Variants in TP63 observed in about 807,000 individuals in gnomAD.
The protein encoded by TP63 is tumor protein p63, also known as tumor protein 63.
In TP63, 17 loss-of-function variants were observed where a neutral mutation model predicts 82.8. That is an observed-to-expected ratio of 0.21 (90% CI 0.14 to 0.31). The LOEUF (loss-of-function observed/expected upper bound fraction) is 0.31, where lower values mean the gene tolerates loss of function less well. Among genes scored for constraint, TP63 ranks in the 10% least tolerant of loss-of-function variants. The pLI is 1.00. For synonymous variants in TP63, 330 were observed against 321.7 expected, an observed-to-expected ratio of 1.03 and a Z score of -0.28; for missense variants, 648 against 895.3, an observed-to-expected ratio of 0.72 and a Z score of 3.52.
chr3:189,809,289 A>C (rs1274872866), intron 4 of TP63, among the ~76,000 whole-genome samples: 1 of 152,200 alleles, frequency 6.6e-6, no homozygotes, highest in Admixed American at 6.5e-5. Context: ...TACAAGAATT[A>C]GTCCAAAGAA....
chr3:189,777,250 G>A (rs1330754970), intron 3 of TP63, among the ~76,000 whole-genome samples: 3 of 152,008 alleles, frequency 2.0e-5, no homozygotes, highest in Admixed American at 6.6e-5. Context: ...AGACTGGAGA[G>A]CAATGGCACG....
chr3:189,797,397 T>A (rs1194541431), intron 3 of TP63, among the ~76,000 whole-genome samples: 1 of 152,042 alleles, frequency 6.6e-6, no homozygotes, highest in African/African-American at 2.4e-5. Flanking sequence ...ATTTTCTTTT[T>A]CCTTTTAAGC....
chr3:189,817,567 A>G (rs1174329961), intron 4 of TP63, among the ~76,000 whole-genome samples: 1 of 152,176 alleles, frequency 6.6e-6, no homozygotes, highest in Non-Finnish European at 1.5e-5. Context: ...ATATGTTATT[A>G]TCTCATCCTG....
At chr3:189,759,256 G>C (rs989355930) in intron 3 of TP63, among the ~76,000 whole-genome samples, 2 of 152,214 alleles carry the variant, frequency 1.3e-5, no homozygotes, top group African/African-American at 2.4e-5. Flanking sequence ...AAACTGGAGG[G>C]AAAGTGAGAG....
At chr3:189,656,268 A>G (rs1713350084) in intron 1 of TP63, among the ~76,000 whole-genome samples, 1 of 152,166 alleles carries the variant, frequency 6.6e-6, no homozygotes, top group South Asian at 2.1e-4. Flanking sequence ...TACTACCCAT[A>G]AGATAGTGTA....
At chr3:189,637,043 T>G (rs941487245) in intron 1 of TP63, among the ~76,000 whole-genome samples, 5 of 152,038 alleles carry the variant, frequency 3.3e-5, no homozygotes, top group African/African-American at 1.2e-4. Context: ...CAGCTCAGGG[T>G]GGAAGGTAGA....
intron 1 of TP63, among the ~76,000 whole-genome samples, chr3:189,733,166 A>G (rs1160557995): frequency 1.3e-5 from 2 of 152,220 alleles, no homozygotes; most frequent in African/African-American, 2.4e-5. Context: ...GCAAAACAAA[A>G]AAAATAACAA....
chr3:189,809,688 A>G (rs1263327775), intron 4 of TP63, among the ~76,000 whole-genome samples: 2 of 152,210 alleles, frequency 1.3e-5, no homozygotes, highest in African/African-American at 2.4e-5. Context: ...TTTATGTTAT[A>G]TATAGTATCT....
chr3:189,664,902 C>T (rs866241204), intron 1 of TP63, among the ~76,000 whole-genome samples: 5 of 152,058 alleles, frequency 3.3e-5, no homozygotes, highest in South Asian at 2.1e-4. Flanking sequence ...AGTGTTGTAT[C>T]GGAGCTAGCT....
the TP63 span, among the ~76,000 whole-genome samples, chr3:189,618,548 G>T: frequency 1.4e-4 from 21 of 152,254 alleles, no homozygotes; most frequent in Admixed American, 1.1e-3. Context: ...GTAGGTAAGT[G>T]CCACCCTTGG....
chr3:189,838,979 ACTT>A (rs1713555284), intron 4 of TP63, among the ~76,000 whole-genome samples: 1 of 150,626 alleles, frequency 6.6e-6, no homozygotes, highest in South Asian at 2.1e-4. Context: ...AGTCCCTTAA[ACTT>A]CTCAGCATTT....
chr3:189,682,553 A>AAAAT (rs1716055397), intron 1 of TP63, among the ~76,000 whole-genome samples: 6 of 10,364 alleles, frequency 5.8e-4, no homozygotes, highest in African/African-American at 1.3e-3. Flanking sequence ...AAAAAAAAAA[A>AAAAT]ATATATATAT....
intron 1 of TP63, among the ~76,000 whole-genome samples, chr3:189,717,160 G>A (rs976137948): frequency 1.3e-5 from 2 of 151,908 alleles, no homozygotes; most frequent in African/African-American, 4.8e-5. Context: ...CAACATACAC[G>A]TATACGAACT....
chr3:189,840,725 G>T (rs924387920), intron 4 of TP63, among the ~76,000 whole-genome samples: 1 of 151,792 alleles, frequency 6.6e-6, no homozygotes, highest in African/African-American at 2.4e-5. Flanking sequence ...GGGTGTAGTG[G>T]CAGGCACCTG....
At chr3:189,619,710 C>T in the TP63 span, among the ~76,000 whole-genome samples, 2 of 152,188 alleles carry the variant, frequency 1.3e-5, no homozygotes, top group Non-Finnish European at 2.9e-5. Flanking sequence ...TCTGTAGGCA[C>T]TGTTCCCACC....
At chr3:189,680,633 T>C (rs954542393) in intron 1 of TP63, among the ~76,000 whole-genome samples, 1 of 152,144 alleles carries the variant, frequency 6.6e-6, no homozygotes, top group African/African-American at 2.4e-5. Flanking sequence ...GTTCAACACA[T>C]GCAAATCAAT....
intron 10 of TP63, among the ~76,000 whole-genome samples, chr3:189,884,081 A>G (rs1720195635): frequency 6.6e-6 from 1 of 152,196 alleles, no homozygotes. Context: ...CTCAGGTTAC[A>G]GAGGACCAAC....
At chr3:189,638,911 A>T (rs752154462) in intron 1 of TP63, among the ~76,000 whole-genome samples, 2 of 152,178 alleles carry the variant, frequency 1.3e-5, no homozygotes, top group Non-Finnish European at 2.9e-5. Flanking sequence ...AGGCAAGCTT[A>T]GACCCAATGC....
intron 4 of TP63, among the ~76,000 whole-genome samples, chr3:189,841,054 A>G (rs140735563): frequency 6.6e-6 from 1 of 152,190 alleles, no homozygotes; most frequent in East Asian, 1.9e-4. Flanking sequence ...GAGGGTGGAT[A>G]CTTTGTCCCC....
Sources: gnomAD v4.1 joint callset for allele counts (sites outside exome capture counted in the v4.1 genomes callset) on GRCh38, gnomAD v4.1.1 for gene constraint, MANE v1.5 for transcripts, NCBI Gene and HGNC (gene_info 2026-07-23, HGNC 2026-07-21) for gene names.